The following NAV3 variants were observed in gnomAD, a reference collection of about 807,000 sequenced individuals.
NAV3 encodes the protein neuron navigator 3.
NAV3 carries 87 observed loss-of-function variants against 244.7 expected under a neutral mutation model. The ratio of observed to expected loss-of-function variants is 0.36; its 90% CI spans 0.30 to 0.42. The LOEUF is 0.42. Among genes scored for constraint, NAV3 ranks in the 20% least tolerant of loss-of-function variants. The pLI is 1.00. For synonymous variants in NAV3, 1,126 were observed against 1,042.2 expected (o/e 1.08, Z -1.55); for missense variants, 2,663 against 2,893.3 (o/e 0.92, Z 1.83).
intron 2 of NAV3, among the ~76,000 whole-genome samples, chr12:77,803,969 G>A (rs1871842324): frequency 6.6e-6 from 1 of 152,104 alleles, no homozygotes; most frequent in African/African-American, 2.4e-5. Context: ...ACGTTTTGAT[G>A]GAGTTGTTTT....
rs188039025 is a variant in NAV3 at position 77,877,058 on chromosome 12, A to C, written c.243+45354A>C. ...TTTACATCCCTTAAAGCTATGCAGA[A>C]AATTCACTAACAATTCTTAGGTAAT... On this transcript the variant is annotated intron_variant, in intron 1 of 39. Transcript: ENST00000397909. Among the ~76,000 whole-genome samples the C allele has an allele frequency of 9.2e-5, 14 of 152,240 alleles. No homozygotes were observed. In the East Asian group the frequency reaches 2.3e-3, roughly 25 times the overall value.
At chr12:77,612,902 C>T (rs1014824405) in intron 2 of NAV3, among the ~76,000 whole-genome samples, 1 of 152,024 alleles carries the variant, frequency 6.6e-6, no homozygotes, top group Non-Finnish European at 1.5e-5. Context: ...TGAGTGTGTT[C>T]TCATGAGATC....
rs989266229 is a variant in NAV3 at position 77,969,021 on chromosome 12, T to C, written c.671+319T>C. ...TGACTTTAGTATTTAGAATGTGCTATTGAGTCCTAGTCTCCTGTCATGTAG... is the reference window on the plus strand; with the variant it reads ...TGACTTTAGTATTTAGAATGTGCTACTGAGTCCTAGTCTCCTGTCATGTAG... On this transcript the variant is annotated intron_variant, in intron 5 of 39. Coordinates refer to ENST00000397909, the MANE Select transcript of NAV3 (RefSeq NM_001024383.2). Among the ~76,000 whole-genome samples the C allele has an allele frequency of 5.3e-5, 8 of 152,166 alleles. No individual in the cohort carries two copies. In the South Asian group the frequency reaches 1.2e-3, roughly 24 times the overall value.
At chr12:78,000,498 CA>C (rs1402870660) in intron 7 of NAV3, among the ~76,000 whole-genome samples, 24 of 129,486 alleles carry the variant, frequency 1.9e-4, no homozygotes, top group African/African-American at 6.5e-4. Context: ...ACACTTAAAA[CA>C]TTTTTTTTTT....
At chr12:77,625,519 T>G (rs945854650) in intron 2 of NAV3, among the ~76,000 whole-genome samples, 2 of 152,146 alleles carry the variant, frequency 1.3e-5, no homozygotes, top group Non-Finnish European at 2.9e-5. Flanking sequence ...GTGAAATGAT[T>G]ATAGGAAGAA....
intron 3 of NAV3, among the ~76,000 whole-genome samples, chr12:77,945,862 C>A (rs1486693546): frequency 6.6e-6 from 1 of 151,792 alleles, no homozygotes; most frequent in Non-Finnish European, 1.5e-5. Context: ...ATTCTCCCTG[C>A]CTCAGCCTCC....
At chr12:77,902,847 T>C (rs1415992958) in intron 1 of NAV3, among the ~76,000 whole-genome samples, 5 of 152,074 alleles carry the variant, frequency 3.3e-5, no homozygotes, top group African/African-American at 4.8e-5. Context: ...TATACACCAA[T>C]AGCAGACAAA....
intron 2 of NAV3, among the ~76,000 whole-genome samples, chr12:77,617,258 G>T (rs1368453361): frequency 6.6e-6 from 1 of 152,126 alleles, no homozygotes; most frequent in Non-Finnish European, 1.5e-5. Context: ...GTTCCCCAGT[G>T]ATCCCCACCA....
intron 6 of NAV3, among the ~76,000 whole-genome samples, chr12:77,997,702 C>A (rs1190319218): frequency 6.6e-6 from 1 of 152,212 alleles, no homozygotes; most frequent in African/African-American, 2.4e-5. Context: ...CCAGCTAAGT[C>A]TGGATGCTTA....
chr12:77,766,119 C>T (rs187177138), intron 2 of NAV3, among the ~76,000 whole-genome samples: 15 of 152,232 alleles, frequency 9.9e-5, no homozygotes, highest in Admixed American at 9.2e-4. Context: ...CAAATGAAGA[C>T]TTATCCAGGC....
chr12:77,671,836 A>G (rs2057243927), intron 2 of NAV3, among the ~76,000 whole-genome samples: 1 of 152,172 alleles, frequency 6.6e-6, no homozygotes, highest in Non-Finnish European at 1.5e-5. Flanking sequence ...ACCCTTCTAG[A>G]TACTGGCTTA....
intron 12 of NAV3, among the ~76,000 whole-genome samples, chr12:78,094,733 G>A (rs1031144136): frequency 1.3e-5 from 2 of 151,926 alleles, no homozygotes; most frequent in African/African-American, 2.4e-5. Context: ...TTAGTTCCTT[G>A]TACATCAAAA....
chr12:78,208,698 A>T (rs893236480), intron 39 of NAV3, among the ~76,000 whole-genome samples: 2 of 152,196 alleles, frequency 1.3e-5, no homozygotes, highest in African/African-American at 4.8e-5. Flanking sequence ...TAACAATACT[A>T]TTACACAGTG....
intron 26 of NAV3, 72 bp from the exon 27 acceptor site, chr12:78,177,069 A>T: frequency 6.4e-7 from 1 of 1,563,564 alleles, no homozygotes; most frequent in Non-Finnish European, 8.8e-7. Flanking sequence ...TGGCATCTGC[A>T]AACTAACGCC....
intron 1 of NAV3, among the ~76,000 whole-genome samples, chr12:77,836,152 C>A (rs1486685393): frequency 6.6e-6 from 1 of 152,194 alleles, no homozygotes; most frequent in Non-Finnish European, 1.5e-5. Context: ...GCCTTGGAAC[C>A]TTTACTTAAC....
chr12:77,711,695 GGT>G (rs1876120241), intron 2 of NAV3, among the ~76,000 whole-genome samples: 1 of 152,178 alleles, frequency 6.6e-6, no homozygotes, highest in African/African-American at 2.4e-5. Flanking sequence ...CTCTGAGGGA[GGT>G]GGGCACCCAC....
chr12:77,610,281 A>G (rs1323355753), intron 2 of NAV3, among the ~76,000 whole-genome samples: 6 of 152,028 alleles, frequency 3.9e-5, no homozygotes, highest in African/African-American at 7.2e-5. Context: ...TGTAGAAAAC[A>G]TTTGTCGAAG....
At chr12:77,633,855 G>A (rs903757193) in intron 2 of NAV3, among the ~76,000 whole-genome samples, 5 of 151,974 alleles carry the variant, frequency 3.3e-5, no homozygotes, top group Non-Finnish European at 5.9e-5. Context: ...AAATTGCATC[G>A]AATTCATGTA....
At chr12:77,686,666 T>C (rs1022037608) in intron 2 of NAV3, among the ~76,000 whole-genome samples, 4 of 152,032 alleles carry the variant, frequency 2.6e-5, no homozygotes, top group African/African-American at 9.7e-5. Flanking sequence ...CATTTATAGA[T>C]GAGGGAACTG....
Sources: allele counts gnomAD v4.1 joint callset (sites outside exome capture counted in the v4.1 genomes callset), GRCh38; gene constraint gnomAD v4.1.1; transcripts MANE v1.5; gene names NCBI Gene and HGNC (gene_info 2026-07-23, HGNC 2026-07-21).